Variants in POC1A observed in about 807,000 individuals in gnomAD.
POC1A encodes the protein POC1 centriolar protein A.
In POC1A, 34 loss-of-function variants were observed where a neutral mutation model predicts 47.8. That is an observed-to-expected ratio of 0.71 (90% CI 0.54 to 0.95). The LOEUF is 0.95. Among genes scored for constraint, POC1A ranks in the 40% least tolerant of loss-of-function variants. The pLI is 0.00. For synonymous variants in POC1A, 177 were observed against 207.6 expected, an observed-to-expected ratio of 0.85 and a Z score of 1.27; for missense variants, 466 against 528.3, an observed-to-expected ratio of 0.88 and a Z score of 1.16.
rs902579776 is a variant in POC1A at position 52,084,320 on chromosome 3, C to A, written c.1126-8335G>T. Among the ~76,000 whole-genome samples, 1 of 152,230 alleles carries A rather than the reference C, an allele frequency of 6.6e-6. No homozygotes were observed. Among genetic ancestry groups the A allele is most frequent in the African/African-American group, 2.4e-5 (1 of 41,456 alleles). On this transcript the variant is annotated intron_variant, in intron 10 of 10. Transcript: ENST00000296484. The surrounding 1 kb of genome is among the most constrained non-coding windows in gnomAD (Gnocchi z 4.3). ...CTTTGCTGAAGGCTTCCCTCATGCA[C>A]TCATGGGCAAACATGGCAGGGAAGC...
Position 52,149,964 on chromosome 3 carries a change from GGCATGAGT to G in POC1A, c.119_126del (p.Asp40AlafsTer53). On this transcript the variant is annotated frameshift_variant, in exon 3 of 11. Coordinates refer to ENST00000296484, the MANE Select transcript of POC1A (RefSeq NM_015426.5). LOFTEE classifies it high-confidence loss of function. ...TGCGGCTTCATGTGCCAGACCATGA[GGCATGAGT>G]CCATGGAGCCACTGGCTGAGGACAG... The G allele has an allele frequency of 1.2e-6, 2 of 1,613,648 alleles. No homozygotes were observed. Among genetic ancestry groups the G allele is most frequent in the African/African-American group, 2.7e-5 (2 of 75,058 alleles).
At position 52,090,830 on chromosome 3, in the gene POC1A, CA is replaced by C. The variant is rs1465578309; in HGVS notation, c.1125+5738del. ...CCTCGGGGTCCGGCCTAGAGTCCTC[CA>C]GGGGTGCTCAGAATGGAGGAGCCTG... On this transcript the variant is annotated intron_variant, in intron 10 of 10. Transcript: ENST00000296484. The surrounding 1 kb of genome is among the most constrained non-coding windows in gnomAD (Gnocchi z 4.2). 1.3e-5 allele frequency among the ~76,000 whole-genome samples: 2 copies of C among 152,116 alleles called. No individual in the cohort carries two copies. The highest frequency in any genetic ancestry group is 4.8e-5 in the African/African-American group (2 of 41,402).
intron 9 of POC1A, among the ~76,000 whole-genome samples, chr3:52,121,936 GA>G (rs928122511): frequency 6.6e-6 from 1 of 151,034 alleles, no homozygotes. Flanking sequence ...TCCATGGTTA[GA>G]AAAAAAAAGG....
chr3:52,078,180 T>C (rs549414112), intron 10 of POC1A, among the ~76,000 whole-genome samples: 40 of 152,138 alleles, frequency 2.6e-4, no homozygotes, highest in African/African-American at 9.4e-4. Flanking sequence ...GGTCTCAGCT[T>C]CCCCTGTTCC....
intron 1 of POC1A, 99 bp downstream of exon 1, chr3:52,154,256 C>T: frequency 1.5e-6 from 2 of 1,305,584 alleles, no homozygotes; most frequent in Non-Finnish European, 2.1e-6. Flanking sequence ...TGGAACCTGG[C>T]GCCCCGCCCG....
chr3:52,154,126 G>A (rs1338831371), intron 1 of POC1A, among the ~76,000 whole-genome samples: 4 of 152,274 alleles, frequency 2.6e-5, no homozygotes, highest in Non-Finnish European at 4.4e-5. Context: ...TATGGAGGCA[G>A]AGGCCTGTTT....
rs1001217484 is a variant in POC1A at position 52,128,440 on chromosome 3, C to G, written c.814-3259G>C. On this transcript the variant is annotated intron_variant, in intron 7 of 10. Transcript: ENST00000296484. ...TTCCAGGGATGAAGCGAGTGATAAGCTGTGTGGATCTGCAGTCCTCCCTAA... is the reference window on the plus strand; with the variant it reads ...TTCCAGGGATGAAGCGAGTGATAAGGTGTGTGGATCTGCAGTCCTCCCTAA... Among the ~76,000 whole-genome samples the G allele has an allele frequency of 4.6e-5, 7 of 152,208 alleles. No homozygotes were observed. In the East Asian group the frequency reaches 1.3e-3, roughly 29 times the overall value.
chr3:52,108,359 G>A (rs183720683), intron 9 of POC1A, among the ~76,000 whole-genome samples: 98 of 152,290 alleles, frequency 6.4e-4, no homozygotes, highest in Admixed American at 3.7e-3. Context: ...TAATGAAGAC[G>A]AGCGGCAGAG....
intron 9 of POC1A, among the ~76,000 whole-genome samples, chr3:52,115,714 A>G (rs542545134): frequency 6.6e-6 from 1 of 152,272 alleles, no homozygotes; most frequent in Non-Finnish European, 1.5e-5. Flanking sequence ...ACACAGTGAG[A>G]AGGAGCCATC....
chr3:52,130,199 G>A (rs1704160837), intron 7 of POC1A, among the ~76,000 whole-genome samples: 1 of 152,214 alleles, frequency 6.6e-6, no homozygotes. Context: ...GAACAAATAG[G>A]ATTGTCACAC....
chr3:52,091,190 G>C (rs1230709951), intron 10 of POC1A, among the ~76,000 whole-genome samples: 25 of 152,088 alleles, frequency 1.6e-4, no homozygotes, highest in Admixed American at 1.6e-3. Context: ...TGGGTCTCAG[G>C]ACAGGATCAG....
chr3:52,096,765 C>T, intron 9 of POC1A, 53 bp from the exon 10 acceptor site: 1 of 1,456,426 alleles, frequency 6.9e-7, no homozygotes, highest in Non-Finnish European at 9.1e-7. Flanking sequence ...TGAAGAAATA[C>T]TGTGAGAGGA....
Position 52,151,008 on chromosome 3 carries a change from C to T in POC1A, c.103+8G>A. The T allele has an allele frequency of 1.2e-6, 2 of 1,613,706 alleles. No individual in the cohort carries two copies. Among genetic ancestry groups the T allele is most frequent in the East Asian group, 4.5e-5 (2 of 44,854 alleles). ...AACCTAGCACCTAGACAGGGTGCCT[C>T]TTCTTACCCAGCTGCTTTGTGTTGA... On this transcript the variant is annotated splice_region_variant and intron_variant, in intron 2 of 10. Transcript: ENST00000296484.
chr3:52,123,281 G>GCAAGAGCTGGGGA (rs1355085237), intron 8 of POC1A, among the ~76,000 whole-genome samples: 1 of 152,244 alleles, frequency 6.6e-6, no homozygotes, highest in African/African-American at 2.4e-5. Flanking sequence ...AGCTGAGGGA[G>GCAAGAGCTGGGGA]GCACCTGGCT....
At chr3:52,145,757 A>G in intron 6 of POC1A, 89 bp downstream of exon 6, 1 of 824,770 alleles carries the variant, frequency 1.2e-6, no homozygotes, top group Admixed American at 2.0e-5. Context: ...TCTCAGACCC[A>G]TTTAAGCACT....
chr3:52,103,841 T>C (rs1703080914), intron 9 of POC1A, among the ~76,000 whole-genome samples: 1 of 152,034 alleles, frequency 6.6e-6, no homozygotes, highest in Non-Finnish European at 1.5e-5. Context: ...AAACTGATCA[T>C]GCCAAGTGTT....
chr3:52,149,995 C>A lies in POC1A; in HGVS notation c.104-8G>T. 1 of 1,611,278 alleles carries A rather than the reference C, an allele frequency of 6.2e-7. No homozygotes were observed. Among genetic ancestry groups the A allele is most frequent in the East Asian group, 2.2e-5 (1 of 44,842 alleles). The stretch of plus-strand genomic sequence containing the variant: ...AGTCCATGGAGCCACTGGCTGAGGA[C>A]AGTGGGTGATGCTATGACCTACAGC... On this transcript the variant is annotated splice_polypyrimidine_tract_variant and splice_region_variant and intron_variant, in intron 2 of 10. Transcript: ENST00000296484.
In POC1A at chr3:52,149,974, C is replaced by A; in HGVS notation, c.117G>T (p.Met39Ile). ...INTKQLASGS[M>I]DSCLMVWHMK... is the part of the protein sequence containing the mutation. ...TGTGCCAGACCATGAGGCATGAGTCCATGGAGCCACTGGCTGAGGACAGTG... is the reference window on the plus strand; with the variant it reads ...TGTGCCAGACCATGAGGCATGAGTCAATGGAGCCACTGGCTGAGGACAGTG... Residue 39 changes from methionine (M) to isoleucine (I), a missense_variant, in exon 3 of 11, where the codon ATG becomes ATT. Physicochemically the swap from Met to Ile is conservative, Grantham distance 10. Coordinates refer to ENST00000296484, the MANE Select transcript of POC1A (RefSeq NM_015426.5). The A allele has an allele frequency of 6.2e-7, 1 of 1,613,314 alleles. No homozygotes were observed. The highest frequency in any genetic ancestry group is 8.5e-7 in the Non-Finnish European group (1 of 1,179,830).
At chr3:52,140,572 A>C (rs1385226820) in intron 6 of POC1A, among the ~76,000 whole-genome samples, 3 of 152,214 alleles carry the variant, frequency 2.0e-5, no homozygotes, top group Admixed American at 2.0e-4. Flanking sequence ...AAGGGAAAGA[A>C]TCTCTCCCAG....
Sources: allele counts gnomAD v4.1 joint callset (sites outside exome capture counted in the v4.1 genomes callset), GRCh38; gene constraint gnomAD v4.1.1; non-coding constraint Gnocchi (gnomAD v3.1); transcripts MANE v1.5; gene names NCBI Gene and HGNC (gene_info 2026-07-23, HGNC 2026-07-21).